The following XKR9 variants were observed in gnomAD, a reference collection of about 807,000 sequenced individuals.
XKR9 encodes XK related 9, also known as XK-related protein 9.
Under a neutral mutation model 32.0 loss-of-function variants are expected in XKR9, and 32 were observed. The observed-to-expected ratio is 1.00, with a 90% CI of 0.76 to 1.34. XKR9 has a LOEUF of 1.34. XKR9 is among the 40% of genes most tolerant of loss of function. The pLI, the probability that XKR9 is intolerant of heterozygous loss-of-function variation, is 0.00. For missense variants in XKR9, 546 were observed against 429.7 expected (o/e 1.27, Z -2.39); for synonymous variants, 168 against 143.4 (o/e 1.17, Z -1.22).
the XKR9 span, among the ~76,000 whole-genome samples, chr8:71,057,661 C>A: frequency 7.9e-4 from 120 of 152,256 alleles, no homozygotes; most frequent in African/African-American, 2.7e-3. Flanking sequence ...AAATAACATT[C>A]CCTCCTATCC....
At position 70,751,961 on chromosome 8, in the gene XKR9, C is replaced by A. The variant is rs1807148615; in HGVS notation, n.353-37378C>A. Reference sequence around the variant, plus strand: ...AATGAAGCCCGTCTCATGTATCTCTCTTTATATCCTATTGGTTCTGTTTCT... The same window carrying A: ...AATGAAGCCCGTCTCATGTATCTCTATTTATATCCTATTGGTTCTGTTTCT... On this transcript the variant is annotated intron_variant and non_coding_transcript_variant, in intron 2 of 3. Coordinates refer to the XKR9 transcript ENST00000520273. Among the ~76,000 whole-genome samples the A allele has an allele frequency of 2.0e-5, 3 of 152,224 alleles. No homozygotes were observed. The South Asian group carries it at 6.2e-4, about 32-fold the overall frequency.
chr8:70,803,312 A>C, the XKR9 span, among the ~76,000 whole-genome samples: 12 of 152,100 alleles, frequency 7.9e-5, no homozygotes, highest in Non-Finnish European at 1.3e-4. Context: ...TCTTTCTTGA[A>C]ATGGCCATTT....
chr8:71,029,015 T>G, the XKR9 span, among the ~76,000 whole-genome samples: 1 of 152,126 alleles, frequency 6.6e-6, no homozygotes, highest in Non-Finnish European at 1.5e-5. Flanking sequence ...GAGTCCATAT[T>G]CCTCTGGCTC....
chr8:70,822,808 G>A, the XKR9 span, among the ~76,000 whole-genome samples: 6 of 151,876 alleles, frequency 4.0e-5, no homozygotes, highest in African/African-American at 1.4e-4. Flanking sequence ...CTACTGAGAC[G>A]GCCAAGTTCC....
intron 2 of XKR9, among the ~76,000 whole-genome samples, chr8:70,764,652 T>A (rs1361126429): frequency 2.0e-5 from 3 of 152,166 alleles, no homozygotes; most frequent in African/African-American, 7.2e-5. Flanking sequence ...GTAGGTTTGT[T>A]ACATAGGTAT....
intron 2 of XKR9, among the ~76,000 whole-genome samples, chr8:70,749,529 C>T (rs1028372987): frequency 3.3e-5 from 5 of 150,918 alleles, no homozygotes; most frequent in Admixed American, 1.3e-4. Flanking sequence ...CACATGGAGT[C>T]GGCATCTGTG....
chr8:70,842,575 CACAT>C, the XKR9 span, among the ~76,000 whole-genome samples: 2 of 151,690 alleles, frequency 1.3e-5, no homozygotes, highest in South Asian at 4.2e-4. Flanking sequence ...CACACACACA[CACAT>C]TCTGAAACCA....
chr8:70,759,773 C>T (rs1807283177), intron 2 of XKR9, among the ~76,000 whole-genome samples: 1 of 152,140 alleles, frequency 6.6e-6, no homozygotes, highest in African/African-American at 2.4e-5. Flanking sequence ...GAACCCATAA[C>T]TGGGGTTCCA....
chr8:70,850,328 G>A, the XKR9 span, among the ~76,000 whole-genome samples: 2 of 151,850 alleles, frequency 1.3e-5, no homozygotes, highest in Non-Finnish European at 2.9e-5. Flanking sequence ...GGGTGTGGTG[G>A]TGAGTGCTTG....
chr8:71,050,456 C>A, the XKR9 span, among the ~76,000 whole-genome samples: 1 of 151,780 alleles, frequency 6.6e-6, no homozygotes, highest in Non-Finnish European at 1.5e-5. Context: ...ACGGGGAAGA[C>A]TCAAATGAGG....
chr8:71,025,465 A>G, the XKR9 span, among the ~76,000 whole-genome samples: 1 of 152,230 alleles, frequency 6.6e-6, no homozygotes. Flanking sequence ...TATTCTTACA[A>G]TTCGTAACAA....
intron 2 of XKR9, among the ~76,000 whole-genome samples, chr8:70,677,816 A>G (rs1586803897): frequency 6.6e-6 from 1 of 152,326 alleles, no homozygotes; most frequent in Middle Eastern, 3.4e-3. Flanking sequence ...ATTTATGCCA[A>G]AAAACTTCAC....
the XKR9 span, among the ~76,000 whole-genome samples, chr8:70,896,473 C>T: frequency 4.0e-5 from 6 of 151,096 alleles, no homozygotes; most frequent in Admixed American, 6.6e-5. Flanking sequence ...ATTTATGGGC[C>T]GACGGTCGTT....
chr8:71,016,711 G>A, the XKR9 span, among the ~76,000 whole-genome samples: 3 of 152,092 alleles, frequency 2.0e-5, no homozygotes, highest in African/African-American at 4.8e-5. Context: ...CAAACCTTAA[G>A]TAATTTATGG....
At chr8:70,984,748 A>G in the XKR9 span, among the ~76,000 whole-genome samples, 1 of 152,224 alleles carries the variant, frequency 6.6e-6, no homozygotes, top group Admixed American at 6.5e-5. Flanking sequence ...CTGAGGTACA[A>G]TGTGGGAATT....
At chr8:70,695,864 G>A (rs1805252561) in intron 3 of XKR9, among the ~76,000 whole-genome samples, 1 of 149,746 alleles carries the variant, frequency 6.7e-6, no homozygotes, top group South Asian at 2.1e-4. Context: ...TTTAATGATT[G>A]CCATTCTAAC....
At chr8:70,978,181 T>G in the XKR9 span, among the ~76,000 whole-genome samples, 1 of 152,202 alleles carries the variant, frequency 6.6e-6, no homozygotes, top group African/African-American at 2.4e-5. Context: ...GTCTTGACTC[T>G]TTATCCAATT....
At chr8:70,788,225 G>T (rs960003834) in intron 2 of XKR9, among the ~76,000 whole-genome samples, 1 of 152,038 alleles carries the variant, frequency 6.6e-6, no homozygotes, top group Non-Finnish European at 1.5e-5. Flanking sequence ...TGAGAATGGG[G>T]TTAGTGTACA....
At chr8:70,857,990 A>T in the XKR9 span, among the ~76,000 whole-genome samples, 2 of 152,082 alleles carry the variant, frequency 1.3e-5, no homozygotes, top group Non-Finnish European at 2.9e-5. Flanking sequence ...CTATCTAATG[A>T]AAACCCACAG....
Sources: allele counts gnomAD v4.1 joint callset (sites outside exome capture counted in the v4.1 genomes callset), GRCh38; gene constraint gnomAD v4.1.1; transcripts MANE v1.5; gene names NCBI Gene and HGNC (gene_info 2026-07-23, HGNC 2026-07-21).